The following AMD1 variants were observed in gnomAD, a reference collection of about 807,000 sequenced individuals.
AMD1 encodes S-adenosylmethionine decarboxylase proenzyme.
A neutral mutation model predicts 40.2 loss-of-function variants in AMD1; 11 were observed. The observed-to-expected ratio is 0.27, with a 90% CI of 0.17 to 0.45. The LOEUF is 0.45. AMD1 is among the 20% of genes least tolerant of loss of function. The probability of loss-of-function intolerance (pLI) is 1.00; values close to 1 mark genes in which losing one functional copy is unlikely to be tolerated. For missense variants in AMD1, 257 were observed against 410.2 expected (o/e 0.63, Z 3.23); for synonymous variants, 121 against 130.8 (o/e 0.93, Z 0.51).
In AMD1 at chr6:110,893,677, C is replaced by G; in HGVS notation, c.*61C>G. 6.4e-7 allele frequency: 1 copy of G among 1,572,748 alleles called. No individual in the cohort carries two copies. Among genetic ancestry groups the G allele is most frequent in the Non-Finnish European group, 8.6e-7 (1 of 1,159,616 alleles). The stretch of plus-strand genomic sequence containing the variant: ...ACATGTAGAAGGTGGTGGATGCTTT[C>G]TAGATGTCGATGCTGGGGGCAGTGC... On this transcript the variant is annotated 3_prime_UTR_variant, in exon 9 of 9. Coordinates refer to ENST00000368885, the MANE Select transcript of AMD1 (RefSeq NM_001634.6).
the AMD1 span, among the ~76,000 whole-genome samples, chr6:110,856,044 C>T: frequency 6.6e-5 from 10 of 152,120 alleles, no homozygotes; most frequent in African/African-American, 2.4e-4. Flanking sequence ...TACACCACTG[C>T]ACTCCAGCCT....
chr6:110,877,960 A>T (rs1240981158), intron 1 of AMD1, among the ~76,000 whole-genome samples: 1 of 152,212 alleles, frequency 6.6e-6, no homozygotes, highest in Non-Finnish European at 1.5e-5. Context: ...ATTGATGCTA[A>T]AGACAAGGAT....
chr6:110,832,772 T>C, the AMD1 span, among the ~76,000 whole-genome samples: 1 of 152,250 alleles, frequency 6.6e-6, no homozygotes, highest in Non-Finnish European at 1.5e-5. Context: ...ATTTCAGTGA[T>C]ACCTTGAGAA....
chr6:110,844,730 A>G, the AMD1 span, among the ~76,000 whole-genome samples: 1 of 151,786 alleles, frequency 6.6e-6, no homozygotes, highest in East Asian at 2.0e-4. Context: ...GCAGTAGGCC[A>G]AGATCACACC....
upstream of AMD1, among the ~76,000 whole-genome samples, chr6:110,873,614 A>AT (rs1311289715): frequency 6.6e-6 from 1 of 152,178 alleles, no homozygotes; most frequent in Non-Finnish European, 1.5e-5. Flanking sequence ...GACAATAGCA[A>AT]TTTTTATGTC....
At chr6:110,870,747 A>T (rs1562331352), upstream of AMD1, among the ~76,000 whole-genome samples, 1 of 152,204 alleles carries the variant, frequency 6.6e-6, no homozygotes, top group African/African-American at 2.4e-5. Flanking sequence ...TGGACAGATT[A>T]AGCCAGCTTC....
chr6:110,834,380 T>A, the AMD1 span, among the ~76,000 whole-genome samples: 1 of 152,064 alleles, frequency 6.6e-6, no homozygotes, highest in Non-Finnish European at 1.5e-5. Flanking sequence ...TATATGAAAA[T>A]AATTGTGCTT....
At chr6:110,858,443 C>T in the AMD1 span, 1 of 1,007,058 alleles carries the variant, frequency 9.9e-7, no homozygotes, top group Non-Finnish European at 1.6e-6. Context: ...CAAGCTACAG[C>T]CGGGCTCAGT....
intron 1 of AMD1, among the ~76,000 whole-genome samples, chr6:110,877,883 A>T (rs1562334498): frequency 6.6e-6 from 1 of 152,238 alleles, no homozygotes; most frequent in Non-Finnish European, 1.5e-5. Flanking sequence ...TATAAAGCAT[A>T]ATAAACATAG....
At chr6:110,842,200 C>G in the AMD1 span, among the ~76,000 whole-genome samples, 16 of 152,150 alleles carry the variant, frequency 1.1e-4, no homozygotes, top group African/African-American at 3.9e-4. Flanking sequence ...CACATTTCTG[C>G]CCATCTGGTG....
the AMD1 span, chr6:110,858,249 C>G: frequency 2.5e-5 from 24 of 942,728 alleles, 1 homozygote; most frequent in Admixed American, 4.4e-4. Flanking sequence ...ATGAGCTCCA[C>G]GCAGTTCAAC....
intron 2 of AMD1, among the ~76,000 whole-genome samples, chr6:110,887,896 G>T (rs1033293629): frequency 6.6e-6 from 1 of 152,100 alleles, no homozygotes; most frequent in African/African-American, 2.4e-5. Context: ...ATGTTGGCCA[G>T]GCTGGTCTTG....
At chr6:110,829,390 C>T in the AMD1 span, among the ~76,000 whole-genome samples, 7 of 151,506 alleles carry the variant, frequency 4.6e-5, no homozygotes, top group Non-Finnish European at 8.8e-5. Flanking sequence ...AAAAATTAAC[C>T]GGACATCGGC....
At chr6:110,853,156 T>C in the AMD1 span, among the ~76,000 whole-genome samples, 14 of 151,848 alleles carry the variant, frequency 9.2e-5, no homozygotes, top group Admixed American at 2.0e-4. Flanking sequence ...AGAGTCTCAC[T>C]CTGTCACTCC....
At chr6:110,845,980 G>A in the AMD1 span, among the ~76,000 whole-genome samples, 1 of 152,208 alleles carries the variant, frequency 6.6e-6, no homozygotes, top group Non-Finnish European at 1.5e-5. Context: ...GATGGCTCAC[G>A]CCTGTAATCC....
At chr6:110,860,834 CA>C in the AMD1 span, among the ~76,000 whole-genome samples, 2 of 82,000 alleles carry the variant, frequency 2.4e-5, no homozygotes, top group Admixed American at 3.1e-4. Context: ...AACACCCACC[CA>C]CACACACACA....
the AMD1 span, among the ~76,000 whole-genome samples, chr6:110,826,693 T>C: frequency 3.3e-5 from 5 of 150,362 alleles, no homozygotes; most frequent in African/African-American, 1.2e-4. Context: ...TCTTTCTTTT[T>C]TTTTTTTTTT....
intron 1 of AMD1, among the ~76,000 whole-genome samples, chr6:110,881,371 A>G (rs915905039): frequency 5.3e-5 from 8 of 152,170 alleles, no homozygotes; most frequent in Non-Finnish European, 8.8e-5. Flanking sequence ...AAATGTTGCC[A>G]CATGTCTTCT....
upstream of AMD1, among the ~76,000 whole-genome samples, chr6:110,871,568 G>A (rs1393079915): frequency 6.6e-6 from 1 of 152,214 alleles, no homozygotes; most frequent in East Asian, 1.9e-4. Context: ...GAGGTGATTT[G>A]TTGTGTAAAG....
Sources: gnomAD v4.1 joint callset for allele counts (sites outside exome capture counted in the v4.1 genomes callset) on GRCh38, gnomAD v4.1.1 for gene constraint, MANE v1.5 for transcripts, NCBI Gene and HGNC (gene_info 2026-07-23, HGNC 2026-07-21) for gene names.